RAI1: variants seen among roughly 807,000 people sequenced by gnomAD.
The protein encoded by RAI1 is retinoic acid-induced protein 1.
In RAI1, 9 loss-of-function variants were observed where a neutral mutation model predicts 123.8. That is an observed-to-expected ratio of 0.07 (90% CI 0.04 to 0.13). The LOEUF is 0.13. RAI1 is among the 10% of genes least tolerant of loss of function. RAI1 has a pLI of 1.00. For synonymous variants in RAI1, 1,231 were observed against 1,127.3 expected (o/e 1.09, Z -1.84); for missense variants, 2,256 against 2,545.8 (o/e 0.89, Z 2.45).
intron 2 of RAI1, among the ~76,000 whole-genome samples, chr17:17,731,555 C>T (rs1025178364): frequency 1.3e-5 from 2 of 152,016 alleles, no homozygotes; most frequent in East Asian, 1.9e-4. Context: ...CAGTGAGCAC[C>T]GCTGGAGCAA....
At position 17,774,903 on chromosome 17, in the gene RAI1, C is replaced by T. The variant is rs546892269; in HGVS notation, c.-16-18030C>T. Among the ~76,000 whole-genome samples, 10 of 152,278 alleles carry T rather than the reference C, an allele frequency of 6.6e-5. No homozygotes were observed. In the South Asian group the frequency reaches 2.1e-3, roughly 32 times the overall value. On this transcript the variant is annotated intron_variant, in intron 2 of 5. Transcript: ENST00000353383. ...GCACAGGGAACTTGAGTTGCCTGCC[C>T]AAGCCCCCACAGCAAGGCAGTGTCT... is the stretch of plus-strand genomic sequence containing the variant.
intron 1 of RAI1, among the ~76,000 whole-genome samples, chr17:17,721,137 C>G (rs555999080): frequency 5.9e-5 from 9 of 152,024 alleles, no homozygotes; most frequent in Non-Finnish European, 1.3e-4. Flanking sequence ...GTGAGTCTTC[C>G]GACATGTCCT....
chr17:17,800,184 CT>C lies in RAI1; in HGVS notation c.5565+1672del, dbSNP rs2032408638. The stretch of plus-strand genomic sequence containing the variant: ...TCCTGCTTTCTGTCTCTCTCTGTCT[CT>C]CTCTCTCTCTCTCTCTCTCTCTCTC... On this transcript the variant is annotated intron_variant, in intron 3 of 5. Coordinates refer to ENST00000353383, the MANE Select transcript of RAI1 (RefSeq NM_030665.4). The surrounding 1 kb of genome is among the most constrained non-coding windows in gnomAD (Gnocchi z 4.7). Among the ~76,000 whole-genome samples, 1 of 41,108 alleles carries C rather than the reference CT, an allele frequency of 2.4e-5. No individual in the cohort carries two copies. The highest frequency in any genetic ancestry group is 4.1e-5 in the Non-Finnish European group (1 of 24,196). The allele number at this position is 41,108 out of a possible 152,430, so 27.0% of individuals were successfully genotyped here.
intron 2 of RAI1, among the ~76,000 whole-genome samples, chr17:17,765,231 A>C (rs60795227): frequency 0.027 from 4,112 of 152,316 alleles, 180 homozygotes; most frequent in African/African-American, 0.093. Context: ...CTGTATGTGG[A>C]GTTCCCATTC....
chr17:17,793,021 T>A lies in RAI1; in HGVS notation c.73T>A (p.Ser25Thr), dbSNP rs891764320. The A allele has an allele frequency of 8.7e-6, 14 of 1,613,692 alleles. No homozygotes were observed. Among genetic ancestry groups the A allele is most frequent in the Non-Finnish European group, 1.2e-5 (14 of 1,179,976 alleles). ...CTACCAGCAGACCTCGCAGGAAACA[T>A]CACGCCTAGAGAATTACAGGCAGCC... is the stretch of plus-strand genomic sequence containing the variant. ...QNYQQTSQET[S>T]RLENYRQPSQ... The change falls in exon 3 of 6, where the codon TCA becomes ACA. Residue 25 changes from serine to threonine, a missense_variant. This residue lies in a region of RAI1 where 336 missense variants were observed against 349.8 expected (regional missense o/e 0.96). Transcript: ENST00000353383.
Position 17,798,152 on chromosome 17 carries a change from C to T in RAI1, c.5204C>T (p.Pro1735Leu), listed in dbSNP as rs376429075. Residue 1735 changes from proline to leucine, a missense_variant, in exon 3 of 6, where the codon CCG becomes CTG. By Grantham distance (98) the Pro-to-Leu change is moderately conservative. This residue lies in a region of RAI1 where 243 missense variants were observed against 316.6 expected (regional missense o/e 0.77). Coordinates refer to ENST00000353383, the MANE Select transcript of RAI1 (RefSeq NM_030665.4). ...PEGTCEEASL[P>L]LERTLKGPEC... ...GGCACCTGTGAGGAGGCCTCGCTGC[C>T]GCTTGAGAGAACACTCAAAGGTCCC... The T allele has an allele frequency of 3.7e-5, 59 of 1,613,390 alleles. No homozygotes were observed. The highest frequency in any genetic ancestry group is 2.1e-4 in the South Asian group (19 of 91,092).
In RAI1 at chr17:17,797,194, A is replaced by G. The variant is rs1446200973; in HGVS notation, c.4246A>G (p.Lys1416Glu). ...CTTAAAAGGCAAACTCATGAACAGT[A>G]AGAAACTGTCTTCTACTGACTGTTT... ...RSLKGKLMNS[K>E]KLSSTDCFKT... The change falls in exon 3 of 6, where the codon AAG (lysine) becomes GAG (glutamate). Residue 1416 changes from lysine to glutamate, a missense_variant. Transcript: ENST00000353383. 6.2e-7 allele frequency: 1 copy of G among 1,613,892 alleles called. No homozygotes were observed. The highest frequency in any genetic ancestry group is 1.7e-5 in the Admixed American group (1 of 60,034).
chr17:17,684,722 A>G lies in RAI1; in HGVS notation c.-149+2929A>G, dbSNP rs141930112. ...TATATATATATGTATGTATGTATGT[A>G]TATTACATATACCAATCCATGCATA... On this transcript the variant is annotated intron_variant, in intron 1 of 5. Coordinates refer to ENST00000353383, the MANE Select transcript of RAI1 (RefSeq NM_030665.4). The G allele has an allele frequency of 2.0e-3, 295 of 148,016 alleles. 3 individuals carry two copies. Among genetic ancestry groups the G allele is most frequent in the East Asian group, 6.8e-3 (34 of 4,986 alleles). 9.2% of individuals were successfully genotyped at this position (148,016 alleles called of 1,614,324 possible). A position where few individuals can be genotyped will look rare whatever the true frequency, so the allele number is the denominator to read the frequency against.
intron 2 of RAI1, among the ~76,000 whole-genome samples, chr17:17,768,323 A>C (rs1163388447): frequency 2.0e-5 from 3 of 152,022 alleles, no homozygotes; most frequent in African/African-American, 7.2e-5. Context: ...TTGAGTTTTT[A>C]TTACTTTGTG....
chr17:17,688,782 T>G (rs1447496800), intron 1 of RAI1, among the ~76,000 whole-genome samples: 1 of 151,566 alleles, frequency 6.6e-6, no homozygotes, highest in African/African-American at 2.4e-5. Flanking sequence ...GTATTTTTAG[T>G]AGAGACGGGG....
intron 2 of RAI1, among the ~76,000 whole-genome samples, chr17:17,732,646 G>A (rs768739472): frequency 6.6e-6 from 1 of 152,114 alleles, no homozygotes; most frequent in African/African-American, 2.4e-5. Flanking sequence ...ATCACCTGCC[G>A]GAGCTGGGCT....
At chr17:17,706,906 A>G (rs1022056108) in intron 1 of RAI1, among the ~76,000 whole-genome samples, 1 of 152,248 alleles carries the variant, frequency 6.6e-6, no homozygotes, top group African/African-American at 2.4e-5. Flanking sequence ...CATTTGAAAC[A>G]CAGTTATTGA....
At chr17:17,805,260 T>C (rs1303195238) in intron 4 of RAI1, among the ~76,000 whole-genome samples, 1 of 152,186 alleles carries the variant, frequency 6.6e-6, no homozygotes, top group Non-Finnish European at 1.5e-5. Context: ...GCCCCTTCTC[T>C]GCAGAGCTGC....
chr17:17,726,042 TCC>T (rs1013401707), intron 2 of RAI1, among the ~76,000 whole-genome samples: 1 of 152,030 alleles, frequency 6.6e-6, no homozygotes, highest in Non-Finnish European at 1.5e-5. Flanking sequence ...GACCCTGGAC[TCC>T]CCCTTCAAAG....
In RAI1 at chr17:17,793,779, C is replaced by CCAGCAG. The variant is rs371983878; in HGVS notation, c.867_872dup (p.Gln290_Gln291dup). On this transcript the variant is annotated inframe_insertion, in exon 3 of 6. Transcript: ENST00000353383. ...ACCAGTCGGGCCGCCTCAGCTATGA[C>CCAGCAG]CAGCAGCAGCAGCAGCAGCAGCAGC... The CCAGCAG allele has an allele frequency of 1.1e-3, 1,458 of 1,357,582 alleles. 1 individual carries two copies. Among genetic ancestry groups the CCAGCAG allele is most frequent in the African/African-American group, 5.4e-3 (282 of 52,422 alleles). The allele number at this position is 1,357,582 out of a possible 1,614,324, so 84.1% of individuals were successfully genotyped here.
chr17:17,686,922 C>T (rs1914662158), intron 1 of RAI1, among the ~76,000 whole-genome samples: 1 of 152,144 alleles, frequency 6.6e-6, no homozygotes, highest in South Asian at 2.1e-4. Flanking sequence ...CAGACAGGAG[C>T]AAGCCTGTGG....
At chr17:17,748,249 C>G (rs954990091) in intron 2 of RAI1, among the ~76,000 whole-genome samples, 2 of 152,304 alleles carry the variant, frequency 1.3e-5, no homozygotes, top group African/African-American at 4.8e-5. Flanking sequence ...GGGGCAGATG[C>G]CCAAATAAGT....
At chr17:17,735,594 T>C (rs548258949) in intron 2 of RAI1, among the ~76,000 whole-genome samples, 1 of 152,146 alleles carries the variant, frequency 6.6e-6, no homozygotes, top group South Asian at 2.1e-4. Flanking sequence ...TGACCTCAAG[T>C]GATCCACCTG....
At chr17:17,764,063 T>C (rs2030817047) in intron 2 of RAI1, among the ~76,000 whole-genome samples, 1 of 152,224 alleles carries the variant, frequency 6.6e-6, no homozygotes, top group Non-Finnish European at 1.5e-5. Flanking sequence ...TCCGGACATC[T>C]TTATGGGCTA....
Sources: gnomAD v4.1 joint callset for allele counts (sites outside exome capture counted in the v4.1 genomes callset) on GRCh38, gnomAD v4.1.1 for gene constraint, gnomAD v4.1.1 regional missense constraint, Gnocchi (gnomAD v3.1) non-coding constraint, MANE v1.5 for transcripts, NCBI Gene and HGNC (gene_info 2026-07-23, HGNC 2026-07-21) for gene names.